Variants in ANGPT1 observed in about 807,000 individuals in gnomAD.
ANGPT1 encodes the protein angiopoietin-1.
In ANGPT1, 17 loss-of-function variants were observed where a neutral mutation model predicts 62.2. That is an observed-to-expected ratio of 0.27 (90% confidence interval 0.19 to 0.41). The LOEUF is 0.41. ANGPT1 is among the 10% of genes least tolerant of loss of function. ANGPT1 has a pLI of 1.00. For missense variants in ANGPT1, 478 were observed against 594.9 expected (o/e 0.80, Z 2.04); for synonymous variants, 199 against 198.9 (o/e 1.00, Z 0.00).
intron 5 of ANGPT1, among the ~76,000 whole-genome samples, chr8:107,299,002 G>A (rs1283244476): frequency 6.6e-6 from 1 of 151,608 alleles, no homozygotes; most frequent in East Asian, 1.9e-4. Context: ...AGAGAATGCT[G>A]ACAATTTATT....
At chr8:107,287,894 T>C (rs976688765) in intron 6 of ANGPT1, among the ~76,000 whole-genome samples, 1 of 152,164 alleles carries the variant, frequency 6.6e-6, no homozygotes, top group Admixed American at 6.6e-5. Flanking sequence ...ACCGAAGCAC[T>C]TAACTGAGCA....
rs141624101 is a variant in ANGPT1 at position 107,445,988 on chromosome 8, G to A, written c.297+51274C>T. 1.6e-3 allele frequency among the ~76,000 whole-genome samples: 247 copies of A among 152,208 alleles called. 1 individual carries two copies. The highest frequency in any genetic ancestry group is 6.8e-3 in the Middle Eastern group (2 of 294). On this transcript the variant is annotated intron_variant, in intron 1 of 8. Coordinates refer to ENST00000517746, the MANE Select transcript of ANGPT1 (RefSeq NM_001146.5). ...GCTGGAGTGCAGTGGCGCTATCTCG[G>A]CTCACTGAAACCTCTGCCTCCCGGG...
At chr8:107,302,977 A>C (rs1272673578) in intron 5 of ANGPT1, among the ~76,000 whole-genome samples, 2 of 152,020 alleles carry the variant, frequency 1.3e-5, no homozygotes, top group African/African-American at 2.4e-5. Flanking sequence ...CAAGGCAAAC[A>C]TGTATGAGCA....
At chr8:107,469,643 T>C (rs567161810) in intron 1 of ANGPT1, among the ~76,000 whole-genome samples, 2 of 152,126 alleles carry the variant, frequency 1.3e-5, no homozygotes, top group African/African-American at 4.8e-5. Flanking sequence ...AATTATGTCA[T>C]CTTTGAAAAG....
At chr8:107,284,652 A>T in intron 7 of ANGPT1, 30 bp downstream of exon 7, 1 of 1,425,550 alleles carries the variant, frequency 7.0e-7, no homozygotes, top group Non-Finnish European at 9.3e-7. Context: ...GGTAAAAGGT[A>T]GTCGAACACT....
At chr8:107,487,788 A>C (rs74345866) in intron 1 of ANGPT1, among the ~76,000 whole-genome samples, 1 of 152,344 alleles carries the variant, frequency 6.6e-6, no homozygotes, top group African/African-American at 2.4e-5. Context: ...AGTTCTTGAG[A>C]TTTCTATTCT....
At chr8:107,341,819 T>C (rs1451744723) in intron 2 of ANGPT1, among the ~76,000 whole-genome samples, 1 of 151,958 alleles carries the variant, frequency 6.6e-6, no homozygotes, top group Middle Eastern at 3.2e-3. Flanking sequence ...AGAGTCTATC[T>C]CCGGAGTCTG....
intron 1 of ANGPT1, among the ~76,000 whole-genome samples, chr8:107,470,599 A>T (rs188209204): frequency 1.1e-4 from 16 of 152,160 alleles, no homozygotes; most frequent in Admixed American, 3.9e-4. Flanking sequence ...CACTCTGATG[A>T]TAATTTCTTT....
intron 1 of ANGPT1, among the ~76,000 whole-genome samples, chr8:107,392,541 C>T (rs907006003): frequency 6.6e-6 from 1 of 152,098 alleles, no homozygotes. Context: ...AGTTTGCAGG[C>T]AATTTTTGTA....
At chr8:107,290,785 G>A (rs147385563) in intron 6 of ANGPT1, among the ~76,000 whole-genome samples, 60 of 152,020 alleles carry the variant, frequency 3.9e-4, no homozygotes, top group African/African-American at 1.4e-3. Flanking sequence ...AGGGAGGAGG[G>A]GTAAACTCCA....
chr8:107,389,355 C>T (rs1209574039), intron 1 of ANGPT1, among the ~76,000 whole-genome samples: 1 of 152,084 alleles, frequency 6.6e-6, no homozygotes, highest in Non-Finnish European at 1.5e-5. Flanking sequence ...GTCTGCCATG[C>T]ATAACATGTG....
chr8:107,452,715 A>G (rs1328002041), intron 1 of ANGPT1, among the ~76,000 whole-genome samples: 1 of 151,980 alleles, frequency 6.6e-6, no homozygotes, highest in African/African-American at 2.4e-5. Context: ...ACTTGTGTCA[A>G]CTTGCACAAA....
chr8:107,381,942 C>G (rs538130544), intron 1 of ANGPT1, among the ~76,000 whole-genome samples: 1 of 152,230 alleles, frequency 6.6e-6, no homozygotes, highest in East Asian at 1.9e-4. Context: ...TGTGAGTGGT[C>G]AAGAACATTT....
At chr8:107,283,294 A>G (rs1346466535) in intron 7 of ANGPT1, among the ~76,000 whole-genome samples, 1 of 151,902 alleles carries the variant, frequency 6.6e-6, no homozygotes, top group Non-Finnish European at 1.5e-5. Context: ...CATTTTATAA[A>G]TGTCTCTTCT....
chr8:107,429,439 G>C (rs1453064385), intron 1 of ANGPT1, among the ~76,000 whole-genome samples: 1 of 152,240 alleles, frequency 6.6e-6, no homozygotes, highest in Non-Finnish European at 1.5e-5. Context: ...GTTTCCAAAG[G>C]CTTTACTAAA....
At chr8:107,259,349 T>G (rs1813440248) in intron 8 of ANGPT1, among the ~76,000 whole-genome samples, 1 of 152,110 alleles carries the variant, frequency 6.6e-6, no homozygotes, top group African/African-American at 2.4e-5. Flanking sequence ...TCTTTAAGAT[T>G]ATATAGTAGG....
chr8:107,369,098 T>TA (rs942864750), intron 1 of ANGPT1, among the ~76,000 whole-genome samples: 21 of 152,208 alleles, frequency 1.4e-4, no homozygotes, highest in Admixed American at 7.2e-4. Context: ...TCACCTACAT[T>TA]AAAAATCTGT....
At chr8:107,299,472 T>C (rs925795958) in intron 5 of ANGPT1, among the ~76,000 whole-genome samples, 83 of 142,228 alleles carry the variant, frequency 5.8e-4, no homozygotes, top group Non-Finnish European at 1.1e-3. Context: ...CATATATATA[T>C]ACTAAGCATA....
intron 4 of ANGPT1, among the ~76,000 whole-genome samples, chr8:107,308,308 A>G (rs1814769575): frequency 6.6e-6 from 1 of 152,206 alleles, no homozygotes. Flanking sequence ...TCATGTAACT[A>G]AAGAATCCAA....
Sources: allele counts gnomAD v4.1 joint callset (sites outside exome capture counted in the v4.1 genomes callset), GRCh38; gene constraint gnomAD v4.1.1; transcripts MANE v1.5; gene names NCBI Gene and HGNC (gene_info 2026-07-23, HGNC 2026-07-21).